SPHKAP: variants seen among roughly 807,000 people sequenced by gnomAD.
SPHKAP encodes A-kinase anchor protein SPHKAP.
A neutral mutation model predicts 137.5 loss-of-function variants in SPHKAP; 67 were observed. The observed-to-expected ratio is 0.49, with a 90% confidence interval of 0.40 to 0.60. SPHKAP has a LOEUF of 0.60. Ranked by LOEUF, SPHKAP falls within the 20% of genes least tolerant of loss-of-function variation. The pLI, the probability that SPHKAP is intolerant of heterozygous loss-of-function variation, is 0.00. For synonymous variants in SPHKAP, 813 were observed against 785.3 expected, an observed-to-expected ratio of 1.04 and a Z score of -0.59; for missense variants, 2,097 against 2,069.3, an observed-to-expected ratio of 1.01 and a Z score of -0.26.
intron 1 of SPHKAP, among the ~76,000 whole-genome samples, chr2:228,160,269 T>C (rs530210367): frequency 1.3e-5 from 2 of 152,320 alleles, no homozygotes; most frequent in Non-Finnish European, 2.9e-5. Flanking sequence ...AATGAAATAC[T>C]TTAATATATT....
intron 1 of SPHKAP, among the ~76,000 whole-genome samples, chr2:228,142,704 G>T (rs1457026770): frequency 1.3e-5 from 2 of 152,056 alleles, no homozygotes; most frequent in Non-Finnish European, 2.9e-5. Flanking sequence ...TTTGGAGGGT[G>T]GAGGGTGGGA....
At chr2:228,036,114 A>C (rs1420961131) in intron 3 of SPHKAP, among the ~76,000 whole-genome samples, 1 of 150,030 alleles carries the variant, frequency 6.7e-6, no homozygotes, top group East Asian at 1.9e-4. Flanking sequence ...AATGGGAGAA[A>C]ATTTTTGCAA....
At chr2:228,126,502 C>T (rs1364370869) in intron 2 of SPHKAP, among the ~76,000 whole-genome samples, 2 of 152,144 alleles carry the variant, frequency 1.3e-5, no homozygotes, top group Admixed American at 1.3e-4. Context: ...ACTAAAACCT[C>T]AGTGTGAATT....
chr2:228,153,901 A>G (rs1420219197), intron 1 of SPHKAP, among the ~76,000 whole-genome samples: 1 of 152,188 alleles, frequency 6.6e-6, no homozygotes, highest in Non-Finnish European at 1.5e-5. Context: ...GAGAGACTTA[A>G]TAATATTTGT....
At chr2:228,151,585 C>G (rs973494205) in intron 1 of SPHKAP, among the ~76,000 whole-genome samples, 3 of 152,116 alleles carry the variant, frequency 2.0e-5, no homozygotes, top group Admixed American at 6.6e-5. Context: ...CACATCCTCT[C>G]CAGCACCTGT....
rs1256316981 is a variant in SPHKAP at position 228,020,173 on chromosome 2, G to A, written c.698-17C>T. On this transcript the variant is annotated splice_polypyrimidine_tract_variant and intron_variant, in intron 6 of 11. Transcript: ENST00000392056. ...TTTCATAATCTAGTGAGGAGAAAAT[G>A]AGGGGCACTATTACTTTTTGGATAG... 1.3e-6 allele frequency: 2 copies of A among 1,562,902 alleles called. No individual in the cohort carries two copies. Among genetic ancestry groups the A allele is most frequent in the African/African-American group, 1.4e-5 (1 of 72,774 alleles).
intron 1 of SPHKAP, among the ~76,000 whole-genome samples, chr2:228,168,835 G>T (rs534708019): frequency 6.6e-6 from 1 of 152,098 alleles, no homozygotes; most frequent in East Asian, 1.9e-4. Flanking sequence ...GCATCAAGCA[G>T]TTAGCCACAT....
chr2:228,022,070 G>T, intron 5 of SPHKAP, 104 bp from the exon 6 acceptor site: 1 of 1,368,356 alleles, frequency 7.3e-7, no homozygotes, highest in Non-Finnish European at 9.5e-7. Context: ...ATAGGAGTGG[G>T]GACCTTTAAA....
At chr2:228,155,354 G>A (rs1030515310) in intron 1 of SPHKAP, among the ~76,000 whole-genome samples, 3 of 151,978 alleles carry the variant, frequency 2.0e-5, no homozygotes, top group African/African-American at 2.4e-5. Flanking sequence ...TAACCTATAT[G>A]CAACTATTAT....
intron 2 of SPHKAP, among the ~76,000 whole-genome samples, chr2:228,113,828 CT>C: frequency 1.3e-5 from 2 of 152,016 alleles, no homozygotes; most frequent in Admixed American, 6.6e-5. Flanking sequence ...TCTTTTGCTC[CT>C]CCTCCCTCTC....
In SPHKAP at chr2:227,991,648, A is replaced by G. The variant is rs1163719192; in HGVS notation, c.4722-322T>C. On this transcript the variant is annotated intron_variant, in intron 9 of 11. Coordinates refer to ENST00000392056, the MANE Select transcript of SPHKAP (RefSeq NM_001142644.2). Reference sequence around the variant, plus strand: ...CCATAAACTTTCATAGGTTTAAACAATGAAAGAGAGATTTTGTGGGTAACT... The same window carrying G: ...CCATAAACTTTCATAGGTTTAAACAGTGAAAGAGAGATTTTGTGGGTAACT... 4.1e-6 allele frequency: 4 copies of G among 985,316 alleles called. No individual in the cohort carries two copies. The East Asian group carries it at 3.4e-4, about 84-fold the overall frequency. 61.0% of individuals were successfully genotyped at this position (985,316 alleles called of 1,614,324 possible). A position where few individuals can be genotyped will look rare whatever the true frequency, so the allele number is the denominator to read the frequency against.
At chr2:228,091,292 A>C (rs1487371505) in intron 3 of SPHKAP, among the ~76,000 whole-genome samples, 2 of 152,228 alleles carry the variant, frequency 1.3e-5, no homozygotes, top group African/African-American at 4.8e-5. Flanking sequence ...ACTTAAAACT[A>C]AGACCTCAAA....
chr2:228,148,762 G>A (rs1256501961), intron 1 of SPHKAP, among the ~76,000 whole-genome samples: 1 of 152,016 alleles, frequency 6.6e-6, no homozygotes, highest in Non-Finnish European at 1.5e-5. Flanking sequence ...CCACAATAAG[G>A]GAGTTACAAA....
intron 3 of SPHKAP, among the ~76,000 whole-genome samples, chr2:228,044,975 C>G (rs2106263805): frequency 6.6e-6 from 1 of 152,176 alleles, no homozygotes; most frequent in African/African-American, 2.4e-5. Context: ...GACATTTATG[C>G]AGCCAAAAAA....
intron 3 of SPHKAP, among the ~76,000 whole-genome samples, chr2:228,071,246 T>C (rs1385611052): frequency 6.6e-6 from 1 of 152,334 alleles, no homozygotes; most frequent in Non-Finnish European, 1.5e-5. Flanking sequence ...CTTGCTTCTT[T>C]TCCTTACTAA....
At chr2:228,021,509 C>T (rs979790302) in intron 6 of SPHKAP, among the ~76,000 whole-genome samples, 4 of 152,176 alleles carry the variant, frequency 2.6e-5, no homozygotes, top group African/African-American at 9.7e-5. Flanking sequence ...CTGGATCCAT[C>T]CAACCATTAA....
At chr2:228,042,955 T>C (rs1006045089) in intron 3 of SPHKAP, among the ~76,000 whole-genome samples, 1 of 152,234 alleles carries the variant, frequency 6.6e-6, no homozygotes, top group Admixed American at 6.5e-5. Context: ...CCTGTTATCA[T>C]GTATTATAAT....
chr2:228,043,602 C>T (rs754184333), intron 3 of SPHKAP, among the ~76,000 whole-genome samples: 11 of 152,264 alleles, frequency 7.2e-5, no homozygotes, highest in East Asian at 3.9e-4. Flanking sequence ...GCTGGGATTA[C>T]GGGTGTGAGC....
chr2:228,109,448 G>T, intron 2 of SPHKAP: 1 of 852,408 alleles, frequency 1.2e-6, no homozygotes, highest in Non-Finnish European at 1.4e-6. Flanking sequence ...TTTAAAAGTT[G>T]TTAGAAATAA....
Sources: gnomAD v4.1 joint callset for allele counts (sites outside exome capture counted in the v4.1 genomes callset) on GRCh38, gnomAD v4.1.1 for gene constraint, MANE v1.5 for transcripts, NCBI Gene and HGNC (gene_info 2026-07-23, HGNC 2026-07-21) for gene names.